Variants in PTPRM observed in about 807,000 individuals in gnomAD.
PTPRM encodes receptor-type tyrosine-protein phosphatase mu.
In PTPRM, 47 loss-of-function variants were observed where a neutral mutation model predicts 186.7. The ratio of observed to expected loss-of-function variants is 0.25; its 90% CI spans 0.20 to 0.32. PTPRM has a LOEUF of 0.32. Ranked by LOEUF, PTPRM falls within the 10% of genes least tolerant of loss-of-function variation. The pLI, the probability that PTPRM is intolerant of heterozygous loss-of-function variation, is 1.00. For synonymous variants in PTPRM, 668 were observed against 674.9 expected, an observed-to-expected ratio of 0.99 and a Z score of 0.16; for missense variants, 1,494 against 1,865.0, an observed-to-expected ratio of 0.80 and a Z score of 3.66.
chr18:8,219,119 C>T (rs2094123831), intron 14 of PTPRM, among the ~76,000 whole-genome samples: 1 of 152,224 alleles, frequency 6.6e-6, no homozygotes, highest in Non-Finnish European at 1.5e-5. Flanking sequence ...CCTTAGAGTA[C>T]ATTTAGGAAC....
At chr18:8,320,793 CTG>C (rs1376993345) in intron 22 of PTPRM, among the ~76,000 whole-genome samples, 5 of 152,190 alleles carry the variant, frequency 3.3e-5, no homozygotes, top group African/African-American at 1.2e-4. Context: ...GGAGCTCCCA[CTG>C]TCTTTCATCA....
intron 7 of PTPRM, among the ~76,000 whole-genome samples, chr18:7,995,096 A>AT (rs1362299399): frequency 2.6e-5 from 4 of 152,000 alleles, no homozygotes; most frequent in South Asian, 4.1e-4. Flanking sequence ...AACAGAAAAG[A>AT]CCCAAAAAAA....
chr18:7,634,502 T>G (rs1280151600), intron 1 of PTPRM, among the ~76,000 whole-genome samples: 1 of 152,186 alleles, frequency 6.6e-6, no homozygotes, highest in Non-Finnish European at 1.5e-5. Context: ...AGCTCTTTCC[T>G]CATTTTTACT....
At chr18:7,815,391 T>C (rs2044756062) in intron 2 of PTPRM, 5 of 152,238 alleles carry the variant, frequency 3.3e-5, no homozygotes. Context: ...ACCATACCTT[T>C]GACGCTTTGG....
rs1048098156 is a variant in PTPRM, at chr18:7,568,381, C to T, written c.73+490C>T. ...GATCGCCGGGAACTGGCGGCCGCTC[C>T]GGCGGCGGCGATCTCCCGGTGCCCT... On this transcript the variant is annotated intron_variant, in intron 1 of 32. Coordinates refer to ENST00000580170, the MANE Select transcript of PTPRM (RefSeq NM_001105244.2). The surrounding 1 kb of genome is among the most constrained non-coding windows in gnomAD (Gnocchi z 5.1). Among the ~76,000 whole-genome samples the T allele has an allele frequency of 6.6e-6, 1 of 151,902 alleles. No homozygotes were observed. Among genetic ancestry groups the T allele is most frequent in the African/African-American group, 2.4e-5 (1 of 41,518 alleles).
chr18:8,122,301 G>A (rs1194230784), intron 13 of PTPRM: 2 of 152,552 alleles, frequency 1.3e-5, no homozygotes, highest in South Asian at 2.1e-4. Flanking sequence ...CGCTGCAGGC[G>A]ACGGCCAACT....
At chr18:8,112,250 A>G (rs2091787654) in intron 11 of PTPRM, among the ~76,000 whole-genome samples, 1 of 152,252 alleles carries the variant, frequency 6.6e-6, no homozygotes, top group South Asian at 2.1e-4. Context: ...AGAATTACCA[A>G]CGAAATGGCA....
chr18:8,128,939 T>C (rs1411638370), intron 13 of PTPRM, among the ~76,000 whole-genome samples: 1 of 152,170 alleles, frequency 6.6e-6, no homozygotes, highest in Non-Finnish European at 1.5e-5. Context: ...TACTGTCTTT[T>C]GTTTGCTTAA....
At chr18:7,576,837 T>A (rs939963939) in intron 1 of PTPRM, among the ~76,000 whole-genome samples, 8 of 152,194 alleles carry the variant, frequency 5.3e-5, no homozygotes, top group Admixed American at 1.3e-4. Context: ...GTACTTTACA[T>A]CATGTAATAA....
intron 3 of PTPRM, among the ~76,000 whole-genome samples, chr18:7,901,475 T>C (rs1424932205): frequency 6.6e-6 from 1 of 152,158 alleles, no homozygotes; most frequent in African/African-American, 2.4e-5. Context: ...CAAGTGATTC[T>C]CTTGCCTCAG....
chr18:7,643,142 T>A (rs151138220), intron 1 of PTPRM, among the ~76,000 whole-genome samples: 6 of 152,200 alleles, frequency 3.9e-5, no homozygotes, highest in African/African-American at 1.4e-4. Context: ...GATGATGATG[T>A]TCATGACTGA....
At position 8,207,327 on chromosome 18, in the gene PTPRM, C is replaced by G. The variant is rs1374028768; in HGVS notation, c.2301-36731C>G. 3.3e-5 allele frequency among the ~76,000 whole-genome samples: 5 copies of G among 152,260 alleles called. No homozygotes were observed. In the East Asian group the frequency reaches 7.7e-4, roughly 23 times the overall value. ...CTTGCACCACTACTCAAACATGAGTCTCAGGTAAATTAATATACTTAGAAT... is the reference window on the plus strand; with the variant it reads ...CTTGCACCACTACTCAAACATGAGTGTCAGGTAAATTAATATACTTAGAAT... On this transcript the variant is annotated intron_variant, in intron 14 of 32. Transcript: ENST00000580170.
At chr18:7,958,207 C>CAAAAAAAAAAAAAAAA (rs534178363) in intron 7 of PTPRM, among the ~76,000 whole-genome samples, 10 of 115,250 alleles carry the variant, frequency 8.7e-5, no homozygotes, top group African/African-American at 3.3e-4. Context: ...CCATCCCCTG[C>CAAAAAAAAAAAAAAAA]AAAAAAAAAA....
At chr18:8,147,433 G>T (rs1256239547) in intron 14 of PTPRM, among the ~76,000 whole-genome samples, 1 of 152,188 alleles carries the variant, frequency 6.6e-6, no homozygotes, top group East Asian at 1.9e-4. Context: ...GTTCACTCAT[G>T]ATTTGGCTCT....
At chr18:8,313,237 C>T (rs1410683624) in intron 20 of PTPRM, among the ~76,000 whole-genome samples, 3 of 152,204 alleles carry the variant, frequency 2.0e-5, no homozygotes, top group Admixed American at 6.5e-5. Context: ...TCCCACTGCT[C>T]TAGCAACATT....
At position 7,696,766 on chromosome 18, in the gene PTPRM, A is replaced by T. The variant is rs1199410508; in HGVS notation, c.74-77383A>T. Among the ~76,000 whole-genome samples, 15 of 152,220 alleles carry T rather than the reference A, an allele frequency of 9.9e-5. 1 individual carries two copies. The highest frequency in any genetic ancestry group is 9.8e-4 in the Admixed American group (15 of 15,284). The stretch of plus-strand genomic sequence containing the variant: ...TCCTCTGCCATACAACTCACGAACT[A>T]TTTGTGCACATTTTTTTGTTAACAC... On this transcript the variant is annotated intron_variant, in intron 1 of 32. Transcript: ENST00000580170.
chr18:8,376,449 C>T lies in PTPRM; in HGVS notation c.3327-13C>T. 2.5e-6 allele frequency: 4 copies of T among 1,614,160 alleles called. No individual in the cohort carries two copies. Among genetic ancestry groups the T allele is most frequent in the South Asian group, 1.1e-5 (1 of 91,072 alleles). On this transcript the variant is annotated splice_polypyrimidine_tract_variant and intron_variant, in intron 25 of 32. Coordinates refer to ENST00000580170, the MANE Select transcript of PTPRM (RefSeq NM_001105244.2). ...CCTTCTTCCTCCACTGACAGACCCC[C>T]CTTTTCATTCAGTGCTGGTGCAGGG...
intron 19 of PTPRM, among the ~76,000 whole-genome samples, chr18:8,261,551 G>A (rs1277058933): frequency 2.0e-5 from 3 of 151,956 alleles, no homozygotes; most frequent in Admixed American, 6.6e-5. Context: ...TGAATATTTG[G>A]TTTATTTTTT....
chr18:7,997,055 T>C (rs1217193831), intron 7 of PTPRM, among the ~76,000 whole-genome samples: 3 of 152,106 alleles, frequency 2.0e-5, no homozygotes, highest in Non-Finnish European at 4.4e-5. Flanking sequence ...GATATTCGTA[T>C]GGAACCACAG....
Sources: gnomAD v4.1 joint callset for allele counts (sites outside exome capture counted in the v4.1 genomes callset) on GRCh38, gnomAD v4.1.1 for gene constraint, Gnocchi (gnomAD v3.1) non-coding constraint, MANE v1.5 for transcripts, NCBI Gene and HGNC (gene_info 2026-07-23, HGNC 2026-07-21) for gene names.